AGBL4: variants seen among roughly 807,000 people sequenced by gnomAD.
AGBL4 encodes AGBL carboxypeptidase 4.
AGBL4 carries 58 observed loss-of-function variants against 66.4 expected under a neutral mutation model. That is an observed-to-expected ratio of 0.87 (90% CI 0.71 to 1.09). The LOEUF (loss-of-function observed/expected upper bound fraction) is 1.09, where lower values mean the gene tolerates loss of function less well. Among genes scored for constraint, AGBL4 ranks in the 50% least tolerant of loss-of-function variants. AGBL4 has a pLI of 0.00. For synonymous variants in AGBL4, 234 were observed against 222.9 expected, an observed-to-expected ratio of 1.05 and a Z score of -0.44; for missense variants, 579 against 631.0, an observed-to-expected ratio of 0.92 and a Z score of 0.88.
chr1:49,603,977 C>T (rs977538210), intron 3 of AGBL4, among the ~76,000 whole-genome samples: 5 of 120,934 alleles, frequency 4.1e-5, no homozygotes, highest in African/African-American at 1.7e-4. Flanking sequence ...CACACACACA[C>T]ACACCACATT....
At chr1:49,705,903 C>T (rs187211824) in intron 2 of AGBL4, among the ~76,000 whole-genome samples, 2 of 152,236 alleles carry the variant, frequency 1.3e-5, no homozygotes, top group African/African-American at 2.4e-5. Context: ...CCAACTTGAT[C>T]GTGGCAGATA....
chr1:48,878,619 G>A (rs1419179632), intron 5 of AGBL4, among the ~76,000 whole-genome samples: 1 of 152,044 alleles, frequency 6.6e-6, no homozygotes, highest in Non-Finnish European at 1.5e-5. Context: ...GTATATTACA[G>A]TGATCTGTCT....
chr1:49,008,265 C>G (rs1482117632), intron 5 of AGBL4, among the ~76,000 whole-genome samples: 1 of 151,812 alleles, frequency 6.6e-6, no homozygotes, highest in East Asian at 1.9e-4. Flanking sequence ...CAACAAAGAT[C>G]AAAAGAGACA....
intron 1 of AGBL4, among the ~76,000 whole-genome samples, chr1:49,983,823 A>T (rs1298437042): frequency 6.6e-6 from 1 of 152,216 alleles, no homozygotes; most frequent in Non-Finnish European, 1.5e-5. Context: ...TATGCATTTC[A>T]CTGTGACTCC....
At chr1:48,860,144 G>A (rs10493137) in intron 6 of AGBL4, among the ~76,000 whole-genome samples, 4,884 of 152,140 alleles carry the variant, frequency 0.032, 275 homozygotes, top group African/African-American at 0.11. Context: ...AAAAGAATAC[G>A]GTACTTCCTC....
At chr1:49,660,035 G>A (rs1264796388) in intron 3 of AGBL4, among the ~76,000 whole-genome samples, 2 of 152,020 alleles carry the variant, frequency 1.3e-5, no homozygotes, top group African/African-American at 4.8e-5. Context: ...CAGGGAATAG[G>A]CATAAGCAAA....
At chr1:49,444,254 T>C (rs1334175285) in intron 3 of AGBL4, among the ~76,000 whole-genome samples, 1 of 152,080 alleles carries the variant, frequency 6.6e-6, no homozygotes, top group Non-Finnish European at 1.5e-5. Context: ...TAGAATATTC[T>C]GTAAATGTGT....
At chr1:48,716,515 CAA>C (rs1211368463) in intron 6 of AGBL4, among the ~76,000 whole-genome samples, 1 of 152,160 alleles carries the variant, frequency 6.6e-6, no homozygotes, top group Non-Finnish European at 1.5e-5. Context: ...CCATCCAGCT[CAA>C]GAGTGTGCCT....
intron 6 of AGBL4, among the ~76,000 whole-genome samples, chr1:48,745,692 G>C (rs578098888): frequency 6.6e-6 from 1 of 152,286 alleles, no homozygotes; most frequent in African/African-American, 2.4e-5. Context: ...CTCCAATGAG[G>C]CTGCCCTATC....
intron 5 of AGBL4, among the ~76,000 whole-genome samples, chr1:49,010,279 A>G (rs1328319553): frequency 7.2e-6 from 1 of 138,242 alleles, no homozygotes; most frequent in Admixed American, 7.5e-5. Flanking sequence ...CCCATTCACA[A>G]TTGCTTCAAA....
chr1:49,929,467 T>C (rs1435039905), intron 1 of AGBL4, among the ~76,000 whole-genome samples: 1 of 152,042 alleles, frequency 6.6e-6, no homozygotes, highest in Non-Finnish European at 1.5e-5. Flanking sequence ...AAATAAAAAC[T>C]AGAATTATTT....
intron 1 of AGBL4, among the ~76,000 whole-genome samples, chr1:49,891,933 A>T (rs1348984221): frequency 2.0e-5 from 3 of 152,190 alleles, no homozygotes; most frequent in Non-Finnish European, 4.4e-5. Flanking sequence ...GAGCTACATC[A>T]TCCATTCCAA....
chr1:48,791,514 T>C (rs1050635971), intron 6 of AGBL4, among the ~76,000 whole-genome samples: 1 of 152,228 alleles, frequency 6.6e-6, no homozygotes, highest in East Asian at 1.9e-4. Context: ...TTTTGGGGGT[T>C]GCCCTAAGCA....
chr1:48,759,022 C>T (rs958944295), intron 6 of AGBL4: 5 of 1,613,982 alleles, frequency 3.1e-6, no homozygotes, highest in East Asian at 2.2e-5. Context: ...CAGCTGCCTC[C>T]GAGTCCGCTC....
intron 3 of AGBL4, among the ~76,000 whole-genome samples, chr1:49,295,003 T>C (rs919304856): frequency 2.0e-5 from 3 of 152,230 alleles, no homozygotes; most frequent in Admixed American, 1.3e-4. Flanking sequence ...TAATGATTGC[T>C]AAATAAATGA....
At chr1:49,717,780 A>G (rs1648272201) in intron 2 of AGBL4, among the ~76,000 whole-genome samples, 1 of 152,040 alleles carries the variant, frequency 6.6e-6, no homozygotes, top group South Asian at 2.1e-4. Flanking sequence ...TATTCAATAA[A>G]TCTCTGTTGA....
At chr1:49,628,853 G>GTGTGAC (rs1432850083) in intron 3 of AGBL4, among the ~76,000 whole-genome samples, 1 of 152,208 alleles carries the variant, frequency 6.6e-6, no homozygotes, top group Non-Finnish European at 1.5e-5. Flanking sequence ...AAAAGAATAT[G>GTGTGAC]TGTGACAAAG....
At position 49,880,161 on chromosome 1, in the gene AGBL4, C is replaced by T. The variant is rs556969933; in HGVS notation, c.35-28643G>A. On this transcript the variant is annotated intron_variant, in intron 1 of 13. Coordinates refer to ENST00000371839, the MANE Select transcript of AGBL4 (RefSeq NM_032785.4). The stretch of plus-strand genomic sequence containing the variant: ...CGTCTGAAGCCTTCCTCTCTCAGCT[C>T]GTCAAAATCATTCTCCATCCAGCTT... 4.4e-3 allele frequency among the ~76,000 whole-genome samples: 671 copies of T among 151,914 alleles called. 11 individuals are homozygous for T. Among genetic ancestry groups the T allele is most frequent in the African/African-American group, 0.015 (624 of 41,438 alleles).
intron 4 of AGBL4, among the ~76,000 whole-genome samples, chr1:49,177,491 T>C (rs1646853463): frequency 1.3e-5 from 2 of 152,196 alleles, no homozygotes; most frequent in Admixed American, 6.5e-5. Flanking sequence ...GACATGCCTA[T>C]TTGCTGATGA....
Sources: allele counts gnomAD v4.1 joint callset (sites outside exome capture counted in the v4.1 genomes callset), GRCh38; gene constraint gnomAD v4.1.1; transcripts MANE v1.5; gene names NCBI Gene and HGNC (gene_info 2026-07-23, HGNC 2026-07-21).